LRRC31: variants seen among roughly 807,000 people sequenced by gnomAD.
The protein encoded by LRRC31 is leucine-rich repeat-containing protein 31.
Under a neutral mutation model 46.7 loss-of-function variants are expected in LRRC31, and 35 were observed. The observed-to-expected ratio is 0.75, with a 90% confidence interval of 0.57 to 0.99. The LOEUF (loss-of-function observed/expected upper bound fraction) is 0.99, where lower values mean the gene tolerates loss of function less well. Ranked by LOEUF, LRRC31 falls within the 50% of genes least tolerant of loss-of-function variation. The pLI is 0.00. For synonymous variants in LRRC31, 236 were observed against 235.1 expected (o/e 1.00, Z -0.03); for missense variants, 613 against 626.1 (o/e 0.98, Z 0.22).
Position 169,853,400 on chromosome 3 carries a change from GTT to G in LRRC31, c.991+1411_991+1412del. The G allele has an allele frequency of 3.0e-6, 3 of 985,420 alleles. 1 individual carries two copies. The South Asian group carries it at 1.4e-4, about 46-fold the overall frequency. 61.0% of individuals were successfully genotyped at this position (985,420 alleles called of 1,614,324 possible). ...CATTACAGTTATCAAATAATTATTA[GTT>G]TTCCAGGGCCATTCACCCATGTCAG... On this transcript the variant is annotated intron_variant, in intron 6 of 8. Coordinates refer to ENST00000316428, the MANE Select transcript of LRRC31 (RefSeq NM_024727.4).
At chr3:169,868,131 A>C (rs879923457) in intron 1 of LRRC31, among the ~76,000 whole-genome samples, 4 of 152,234 alleles carry the variant, frequency 2.6e-5, no homozygotes, top group Non-Finnish European at 5.9e-5. Flanking sequence ...TGTGGAAAAG[A>C]TGCCAATCTG....
chr3:169,852,245 A>AG (rs1236181644), intron 6 of LRRC31, among the ~76,000 whole-genome samples: 4 of 151,454 alleles, frequency 2.6e-5, no homozygotes, highest in African/African-American at 7.3e-5. Context: ...AAAAAAAAAA[A>AG]AAAAAAAATT....
chr3:169,856,513 A>G lies in LRRC31; in HGVS notation c.656-10T>C, dbSNP rs199601554. On this transcript the variant is annotated splice_polypyrimidine_tract_variant and intron_variant, in intron 4 of 8. Transcript: ENST00000316428. Reference sequence around the variant, plus strand: ...ATAGGTAGCAGTTGACCTAGAAGGAAAGAAATCCAAATAAGAAGGGTAGGT... The same window carrying G: ...ATAGGTAGCAGTTGACCTAGAAGGAGAGAAATCCAAATAAGAAGGGTAGGT... 8.8e-5 allele frequency: 140 copies of G among 1,585,286 alleles called. No homozygotes were observed. The African/African-American group carries it at 1.6e-3, about 18-fold the overall frequency.
chr3:169,856,456 T>A lies in LRRC31; in HGVS notation c.703A>T (p.Ile235Phe), dbSNP rs374351634. The A allele has an allele frequency of 1.5e-5, 24 of 1,605,580 alleles. No individual in the cohort carries two copies. Among genetic ancestry groups the A allele is most frequent in the Non-Finnish European group, 2.0e-5 (23 of 1,176,424 alleles). ...AGACTGCCAACAATGTCTCTGTTAA[T>A]GGAAAGATCAAGTACTTCGAGACTT... ...LQSLEVLDLS[I>F]NRDIVGSLNS... Residue 235 changes from isoleucine to phenylalanine, a missense_variant, in exon 5 of 9, where the codon ATT (isoleucine) becomes TTT (phenylalanine). By Grantham distance (21) the Ile-to-Phe change is conservative. Transcript: ENST00000316428.
chr3:169,841,323 C>G (rs1283637790), intron 8 of LRRC31, among the ~76,000 whole-genome samples: 3 of 152,232 alleles, frequency 2.0e-5, no homozygotes, highest in Non-Finnish European at 4.4e-5. Context: ...CTCCCTTAAA[C>G]TTTATCCCTG....
intron 8 of LRRC31, among the ~76,000 whole-genome samples, chr3:169,840,635 T>C (rs1560620080): frequency 6.6e-6 from 1 of 152,244 alleles, no homozygotes; most frequent in East Asian, 1.9e-4. Flanking sequence ...TGATGGCTCA[T>C]TGGCTTTAAC....
chr3:169,864,377 T>C (rs1002771999), intron 1 of LRRC31, among the ~76,000 whole-genome samples: 1 of 152,170 alleles, frequency 6.6e-6, no homozygotes, highest in African/African-American at 2.4e-5. Flanking sequence ...CACATCCCAC[T>C]GGGTGCTCTG....
intron 6 of LRRC31, among the ~76,000 whole-genome samples, chr3:169,854,019 G>A (rs1780868046): frequency 6.6e-6 from 1 of 152,262 alleles, no homozygotes; most frequent in Admixed American, 6.5e-5. Context: ...CAAGGCCAGA[G>A]CATGCCTGGC....
rs1780642066 is a variant in LRRC31, at chr3:169,847,518, C to T, written c.1327+602G>A. On this transcript the variant is annotated intron_variant, in intron 8 of 8. Coordinates refer to ENST00000316428, the MANE Select transcript of LRRC31 (RefSeq NM_024727.4). ...TGATTTTAGGGAATATTTGGGTAGC[C>T]TCAATCCCACAGTGCAAAAGTTATT... Among the ~76,000 whole-genome samples, 4 of 152,200 alleles carry T rather than the reference C, an allele frequency of 2.6e-5. No individual in the cohort carries two copies. The South Asian group carries it at 8.3e-4, about 31-fold the overall frequency.
intron 5 of LRRC31, among the ~76,000 whole-genome samples, 198 bp downstream of exon 5, chr3:169,856,138 C>T (rs1347710464): frequency 1.3e-5 from 2 of 152,078 alleles, no homozygotes; most frequent in Non-Finnish European, 1.5e-5. Context: ...CTGCCTCAGC[C>T]TCCCAAAGTG....
At chr3:169,859,909 AAGGTGAGTGGATTCCCTG>A (rs1405655234) in intron 3 of LRRC31, among the ~76,000 whole-genome samples, 18 of 152,208 alleles carry the variant, frequency 1.2e-4, no homozygotes, top group South Asian at 2.1e-4. Context: ...TTGGGAGGCC[AAGGTGAGTGGATTCCCTG>A]AGGTCAGACG....
At chr3:169,857,366 ACACAAG>A (rs1319490252) in intron 3 of LRRC31, among the ~76,000 whole-genome samples, 2 of 120,540 alleles carry the variant, frequency 1.7e-5, no homozygotes, top group African/African-American at 3.0e-5. Context: ...ACACACACAC[ACACAAG>A]TATATATATA....
chr3:169,860,151 T>A (rs1781101772), intron 3 of LRRC31, among the ~76,000 whole-genome samples: 1 of 151,340 alleles, frequency 6.6e-6, no homozygotes, highest in Non-Finnish European at 1.5e-5. Context: ...CTCAAAAAAA[T>A]AAAAATAAAA....
At chr3:169,847,137 C>A (rs904334603) in intron 8 of LRRC31, among the ~76,000 whole-genome samples, 3 of 152,032 alleles carry the variant, frequency 2.0e-5, no homozygotes, top group African/African-American at 7.3e-5. Context: ...CTCTCTGATT[C>A]ATTGTTTTAT....
chr3:169,856,576 G>A (rs1410576619), intron 4 of LRRC31, 73 bp from the exon 5 acceptor site: 76 of 1,372,536 alleles, frequency 5.5e-5, no homozygotes, highest in Non-Finnish European at 6.4e-5. Context: ...TGGGGATATC[G>A]TGACGTAAAA....
At chr3:169,858,709 A>C (rs1364950430) in intron 3 of LRRC31, among the ~76,000 whole-genome samples, 2 of 152,212 alleles carry the variant, frequency 1.3e-5, no homozygotes, top group Non-Finnish European at 2.9e-5. Flanking sequence ...AGCTAGTTAA[A>C]AGTGGCACTA....
At chr3:169,854,082 G>C (rs1433244683) in intron 6 of LRRC31, among the ~76,000 whole-genome samples, 2 of 152,226 alleles carry the variant, frequency 1.3e-5, no homozygotes, top group East Asian at 3.8e-4. Context: ...TGAGGAGGAG[G>C]GGGAGTGAAT....
At position 169,860,640 on chromosome 3, in the gene LRRC31, C is replaced by T. The variant is rs771311608; in HGVS notation, c.408G>A (p.Gln136=). The change falls in exon 3 of 9, where the codon CAG becomes CAA. Residue 136 remains glutamine, a synonymous_variant. Transcript: ENST00000316428. ...FVGGTLLSIT[Q]QMHLVSKLKI... ...TTAACTTGCTGACCAGATGCATTTG[C>T]TGAGTGATGGAAAGGAGGGTTCCAC... The T allele has an allele frequency of 6.2e-7, 1 of 1,614,144 alleles. No homozygotes were observed. The highest frequency in any genetic ancestry group is 8.5e-7 in the Non-Finnish European group (1 of 1,180,026).
intron 8 of LRRC31, among the ~76,000 whole-genome samples, chr3:169,842,919 A>C (rs1780495004): frequency 1.3e-5 from 2 of 152,202 alleles, no homozygotes; most frequent in Admixed American, 1.3e-4. Flanking sequence ...AAAAATCAAA[A>C]GCTTATTTTT....
Sources: allele counts gnomAD v4.1 joint callset (sites outside exome capture counted in the v4.1 genomes callset), GRCh38; gene constraint gnomAD v4.1.1; transcripts MANE v1.5; gene names NCBI Gene and HGNC (gene_info 2026-07-23, HGNC 2026-07-21).